Variants in MICU1 observed in about 807,000 individuals in gnomAD.
MICU1 encodes the protein calcium uptake protein 1, mitochondrial.
In MICU1, 45 loss-of-function variants were observed where a neutral mutation model predicts 56.8. The ratio of observed to expected loss-of-function variants is 0.79; its 90% CI spans 0.62 to 1.02. The LOEUF (loss-of-function observed/expected upper bound fraction) is 1.02, where lower values mean the gene tolerates loss of function less well. Ranked by LOEUF, MICU1 falls within the 50% of genes least tolerant of loss-of-function variation. The probability of loss-of-function intolerance (pLI) is 0.00; values close to 1 mark genes in which losing one functional copy is unlikely to be tolerated. For missense variants in MICU1, 504 were observed against 587.1 expected (o/e 0.86, Z 1.46); for synonymous variants, 186 against 195.1 (o/e 0.95, Z 0.39).
At position 72,400,371 on chromosome 10, in the gene MICU1, A is replaced by G. The variant is rs75749962; in HGVS notation, c.1180+7558T>C. On this transcript the variant is annotated intron_variant, in intron 10 of 11. Transcript: ENST00000361114. ...CATCCTATATAATTGTTCTTTAATG[A>G]ACTTTCGTTGTCTTTAGTTGGGCTT... 2.8e-3 allele frequency among the ~76,000 whole-genome samples: 433 copies of G among 152,292 alleles called. 3 individuals carry two copies. The highest frequency in any genetic ancestry group is 9.9e-3 in the African/African-American group (412 of 41,550).
intron 5 of MICU1, among the ~76,000 whole-genome samples, chr10:72,517,635 T>TGA (rs1867687768): frequency 6.6e-6 from 1 of 151,342 alleles, no homozygotes; most frequent in Admixed American, 6.6e-5. Context: ...TGGGGAAGGG[T>TGA]GAGGGGGTGA....
intron 1 of MICU1, among the ~76,000 whole-genome samples, chr10:72,606,613 A>G (rs1841699442): frequency 6.6e-6 from 1 of 151,884 alleles, no homozygotes; most frequent in Admixed American, 6.6e-5. Flanking sequence ...ATATATATAT[A>G]TGTTGGTCTT....
Position 72,589,581 on chromosome 10 carries a change from GA to G in MICU1, c.-1-22788del, listed in dbSNP as rs542796993. 2.7e-5 allele frequency among the ~76,000 whole-genome samples: 4 copies of G among 149,100 alleles called. No homozygotes were observed. In the East Asian group the frequency reaches 5.9e-4, roughly 22 times the overall value. ...AAAAATAGCCAGAAAAATACTGAAG[GA>G]AAAAAAAACCCTTAGAGAATGGGGG... On this transcript the variant is annotated intron_variant, in intron 1 of 11. Coordinates refer to ENST00000361114, the MANE Select transcript of MICU1 (RefSeq NM_001195518.2).
intron 10 of MICU1, among the ~76,000 whole-genome samples, chr10:72,404,818 A>G (rs908530968): frequency 5.3e-5 from 8 of 152,266 alleles, no homozygotes; most frequent in African/African-American, 1.9e-4. Flanking sequence ...GATGAATTCT[A>G]TCAAATACAG....
chr10:72,490,702 T>G lies in MICU1; in HGVS notation c.653-13446A>C, dbSNP rs79451931. Reference sequence around the variant, plus strand: ...TGGCAAGAGGATGGGGGTTGGGCAATTTTGCTGCTCTTCTGCCTGTGAGTT... The same window carrying G: ...TGGCAAGAGGATGGGGGTTGGGCAAGTTTGCTGCTCTTCTGCCTGTGAGTT... On this transcript the variant is annotated intron_variant, in intron 6 of 11. Transcript: ENST00000361114. 4.9e-3 allele frequency among the ~76,000 whole-genome samples: 751 copies of G among 152,326 alleles called. 8 individuals carry two copies. The highest frequency in any genetic ancestry group is 6.8e-3 in the Middle Eastern group (2 of 294).
intron 8 of MICU1, among the ~76,000 whole-genome samples, chr10:72,452,874 T>C (rs1865341801): frequency 6.6e-6 from 1 of 151,582 alleles, no homozygotes; most frequent in Admixed American, 6.6e-5. Flanking sequence ...ATCTGCCCCG[T>C]CGAGTCCTCT....
chr10:72,547,922 G>C (rs965278358), intron 4 of MICU1, among the ~76,000 whole-genome samples: 6 of 152,316 alleles, frequency 3.9e-5, no homozygotes, highest in African/African-American at 9.6e-5. Flanking sequence ...GACAACCAGA[G>C]CTCAACTCCC....
At chr10:72,450,053 T>C (rs1490152221) in intron 8 of MICU1, among the ~76,000 whole-genome samples, 1 of 152,078 alleles carries the variant, frequency 6.6e-6, no homozygotes, top group Non-Finnish European at 1.5e-5. Flanking sequence ...TGGGAAGCAC[T>C]AAGGAAATAA....
At chr10:72,446,244 A>C (rs1865099677) in intron 8 of MICU1, among the ~76,000 whole-genome samples, 1 of 152,230 alleles carries the variant, frequency 6.6e-6, no homozygotes, top group African/African-American at 2.4e-5. Context: ...AGTATGAAGA[A>C]ATTTTAGACC....
chr10:72,404,880 A>G (rs2132096698), intron 10 of MICU1, among the ~76,000 whole-genome samples: 1 of 152,330 alleles, frequency 6.6e-6, no homozygotes, highest in Non-Finnish European at 1.5e-5. Context: ...ACAGAGAAGG[A>G]AAAATCCCTC....
At chr10:72,566,836 G>A in intron 1 of MICU1, 42 bp from the exon 2 acceptor site, 1 of 1,527,060 alleles carries the variant, frequency 6.5e-7, no homozygotes, top group South Asian at 1.2e-5. Context: ...GCTAGTGGTA[G>A]TTATGATGAT....
intron 6 of MICU1, among the ~76,000 whole-genome samples, chr10:72,482,564 A>G (rs1359770970): frequency 1.3e-5 from 2 of 152,118 alleles, no homozygotes; most frequent in Non-Finnish European, 1.5e-5. Context: ...AGGTGTAAAC[A>G]TTGTTGACCA....
intron 8 of MICU1, among the ~76,000 whole-genome samples, chr10:72,449,235 C>A (rs565182285): frequency 3.3e-5 from 5 of 151,920 alleles, no homozygotes; most frequent in African/African-American, 9.7e-5. Flanking sequence ...CTGTCTCTAC[C>A]AAAAATACAA....
chr10:72,597,821 G>A lies in MICU1; in HGVS notation c.-2+28189C>T, dbSNP rs145243976. On this transcript the variant is annotated intron_variant, in intron 1 of 11. Transcript: ENST00000361114. ...GGCTGGATTGGTCTCCTTTCCCTTG[G>A]GGCCACTGAATAAACTGTGTGTTGT... Among the ~76,000 whole-genome samples the A allele has an allele frequency of 4.0e-3, 610 of 152,188 alleles. 1 individual carries two copies. The highest frequency in any genetic ancestry group is 4.9e-3 in the Non-Finnish European group (335 of 68,002).
intron 3 of MICU1, among the ~76,000 whole-genome samples, chr10:72,561,734 C>A (rs558807373): frequency 4.6e-5 from 7 of 152,260 alleles, no homozygotes; most frequent in Non-Finnish European, 7.4e-5. Context: ...TCGCTTGAAC[C>A]CAGGAAGCGG....
intron 1 of MICU1, chr10:72,582,795 A>T (rs1242875169): frequency 6.6e-6 from 1 of 151,642 alleles, no homozygotes; most frequent in East Asian, 1.9e-4. Context: ...AAAAAAAAAA[A>T]AAGAACCACT....
chr10:72,501,026 A>G (rs1867052440), intron 6 of MICU1, among the ~76,000 whole-genome samples: 1 of 152,172 alleles, frequency 6.6e-6, no homozygotes, highest in South Asian at 2.1e-4. Context: ...TTTAAGAATC[A>G]GCAGTCCTTG....
chr10:72,464,067 G>A (rs769663220), intron 8 of MICU1, among the ~76,000 whole-genome samples: 1 of 152,074 alleles, frequency 6.6e-6, no homozygotes, highest in Non-Finnish European at 1.5e-5. Context: ...AGGCTGGGGC[G>A]AGTGGATCAC....
At chr10:72,612,493 C>T (rs538027835) in intron 1 of MICU1, among the ~76,000 whole-genome samples, 2 of 152,078 alleles carry the variant, frequency 1.3e-5, no homozygotes, top group African/African-American at 2.4e-5. Flanking sequence ...AGTCAAATTG[C>T]TCCTTCAAAA....
Sources: allele counts gnomAD v4.1 joint callset (sites outside exome capture counted in the v4.1 genomes callset), GRCh38; gene constraint gnomAD v4.1.1; transcripts MANE v1.5; gene names NCBI Gene and HGNC (gene_info 2026-07-23, HGNC 2026-07-21).